PTPRU: variants seen among roughly 807,000 people sequenced by gnomAD.
PTPRU encodes receptor-type tyrosine-protein phosphatase U.
A neutral mutation model predicts 166.3 loss-of-function variants in PTPRU; 69 were observed. The ratio of observed to expected loss-of-function variants is 0.41; its 90% CI spans 0.34 to 0.51. PTPRU has a LOEUF of 0.51. Ranked by LOEUF, PTPRU falls within the 20% of genes least tolerant of loss-of-function variation. The pLI is 0.09. For synonymous variants in PTPRU, 793 were observed against 814.0 expected (o/e 0.97, Z 0.44); for missense variants, 1,657 against 2,013.7 (o/e 0.82, Z 3.39).
At position 29,255,332 on chromosome 1, in the gene PTPRU, C is replaced by T; in HGVS notation, c.131C>T (p.Ala44Val). ...DPAVPCEYSQ[A>V]QYDDFQWEQV... The stretch of plus-strand genomic sequence containing the variant: ...GCAGTGCCCTGCGAGTACAGCCAGG[C>T]CCAGTACGATGACTTCCAGTGGGAG... The change falls in exon 2 of 30, where the codon GCC becomes GTC. Residue 44 changes from alanine to valine, a missense_variant. Transcript: ENST00000373779. 1 of 1,614,128 alleles carries T rather than the reference C, an allele frequency of 6.2e-7. No homozygotes were observed. The highest frequency in any genetic ancestry group is 1.1e-5 in the South Asian group (1 of 91,084).
At chr1:29,282,647 A>G in intron 11 of PTPRU, 29 bp from the exon 12 acceptor site, 1 of 1,596,144 alleles carries the variant, frequency 6.3e-7, no homozygotes, top group Non-Finnish European at 8.5e-7. Context: ...GCCGCCTGTG[A>G]TCCCCTGTAC....
At chr1:29,251,060 T>A (rs1684520850) in intron 1 of PTPRU, among the ~76,000 whole-genome samples, 1 of 152,228 alleles carries the variant, frequency 6.6e-6, no homozygotes, top group African/African-American at 2.4e-5. Context: ...GAGACCAGCC[T>A]GGCCAGCATG....
intron 8 of PTPRU, among the ~76,000 whole-genome samples, chr1:29,276,203 C>CTGGA (rs1341857274): frequency 6.6e-6 from 1 of 152,158 alleles, no homozygotes; most frequent in Non-Finnish European, 1.5e-5. Flanking sequence ...GTTGCCCAGG[C>CTGGA]TGGAGTACAG....
chr1:29,246,031 A>G (rs1327641812), intron 1 of PTPRU, among the ~76,000 whole-genome samples: 1 of 152,238 alleles, frequency 6.6e-6, no homozygotes. Flanking sequence ...TCTGTACTGC[A>G]CTGCACTATT....
At chr1:29,305,327 CT>C (rs1487437095) in intron 17 of PTPRU, 24 bp from the exon 18 acceptor site, 1 of 1,612,768 alleles carries the variant, frequency 6.2e-7, no homozygotes, top group Non-Finnish European at 8.5e-7. Flanking sequence ...AGTTCAGCCC[CT>C]GCCCACCTGC....
At chr1:29,258,356 C>T (rs1684864936) in intron 2 of PTPRU, 149 bp from the exon 3 acceptor site, 1 of 818,284 alleles carries the variant, frequency 1.2e-6, no homozygotes, top group Non-Finnish European at 1.9e-6. Flanking sequence ...AGGGACTCAC[C>T]CAGGGAGGTG....
Position 29,304,818 on chromosome 1 carries a change from C to T in PTPRU, c.2712C>T (p.Val904=), listed in dbSNP as rs943227611. 1 of 1,612,414 alleles carries T rather than the reference C, an allele frequency of 6.2e-7. No homozygotes were observed. Among genetic ancestry groups the T allele is most frequent in the Non-Finnish European group, 8.5e-7 (1 of 1,178,744 alleles). Residue 904 remains valine, a synonymous_variant, in exon 17 of 30, where the codon GTC becomes GTT. Transcript: ENST00000373779. ...ACGCCACAAAGAAGAAAGACAAGGT[C>T]AAGGGCAGCCGGCAGGAGCCAATGC... ...GWDATKKKDK[V]KGSRQEPMPA... is the part of the protein sequence containing the mutation.
At chr1:29,303,119 A>G (rs74067327) in intron 15 of PTPRU, among the ~76,000 whole-genome samples, 5,173 of 152,302 alleles carry the variant, frequency 0.034, 261 homozygotes, top group African/African-American at 0.12. Flanking sequence ...TAAGTATTAA[A>G]TGAGTGAGTG....
chr1:29,318,016 T>TG (rs1434596122), intron 25 of PTPRU, 95 bp downstream of exon 25: 3 of 1,473,520 alleles, frequency 2.0e-6, no homozygotes, highest in East Asian at 2.4e-5. Flanking sequence ...AAGGCTCTGT[T>TG]GGGGGGACCC....
At position 29,273,717 on chromosome 1, in the gene PTPRU, A is replaced by G. The variant is rs960632609; in HGVS notation, c.1145-1731A>G. Among the ~76,000 whole-genome samples, 6 of 152,090 alleles carry G rather than the reference A, an allele frequency of 3.9e-5. No individual in the cohort carries two copies. The South Asian group carries it at 1.2e-3, about 32-fold the overall frequency. On this transcript the variant is annotated intron_variant, in intron 7 of 29. Transcript: ENST00000373779. ...TGTGCCCAGCCCAGTTTCTTTATTTATAAGATGGGGATAGCATTCTGGTCC... is the reference window on the plus strand; with the variant it reads ...TGTGCCCAGCCCAGTTTCTTTATTTGTAAGATGGGGATAGCATTCTGGTCC...
rs1234381608 is a variant in PTPRU, at chr1:29,317,953, C to T, written c.3687+32C>T. The T allele has an allele frequency of 6.2e-7, 1 of 1,608,708 alleles. No homozygotes were observed. Among genetic ancestry groups the T allele is most frequent in the Non-Finnish European group, 8.5e-7 (1 of 1,177,284 alleles). ...GCTTGGGGTGGAGTGGGCTCTGGGG[C>T]TCCCCTTCCCAGCAGCATCAGGGAA... On this transcript the variant is annotated intron_variant, in intron 25 of 29. Coordinates refer to ENST00000373779, the MANE Select transcript of PTPRU (RefSeq NM_133178.4). The surrounding 1 kb of genome is among the most constrained non-coding windows in gnomAD (Gnocchi z 5.6).
At chr1:29,313,653 C>T (rs1042012893) in intron 22 of PTPRU, among the ~76,000 whole-genome samples, 13 of 152,016 alleles carry the variant, frequency 8.6e-5, no homozygotes, top group African/African-American at 2.9e-4. Context: ...GCCCAAAGTT[C>T]GAGACCAGCC....
intron 8 of PTPRU, among the ~76,000 whole-genome samples, chr1:29,277,835 T>C (rs1685883746): frequency 8.7e-6 from 1 of 115,228 alleles, no homozygotes; most frequent in Non-Finnish European, 1.8e-5. Context: ...TTTTTTTTTT[T>C]TGAGATGGAG....
intron 15 of PTPRU, among the ~76,000 whole-genome samples, chr1:29,293,595 C>T (rs1446754427): frequency 6.6e-6 from 1 of 151,746 alleles, no homozygotes; most frequent in African/African-American, 2.4e-5. Context: ...CTGCCTCAGT[C>T]TCCCTAGTAG....
chr1:29,287,668 C>T (rs1363474032), intron 14 of PTPRU, among the ~76,000 whole-genome samples: 13 of 151,242 alleles, frequency 8.6e-5, no homozygotes, highest in Non-Finnish European at 1.3e-4. Flanking sequence ...GATCTCAGCT[C>T]ACTGCAAGCT....
intron 15 of PTPRU, among the ~76,000 whole-genome samples, chr1:29,296,912 TAA>T (rs1686908943): frequency 6.6e-6 from 1 of 152,080 alleles, no homozygotes; most frequent in Non-Finnish European, 1.5e-5. Context: ...ATATTTTTGA[TAA>T]GTTATATTTG....
intron 1 of PTPRU, among the ~76,000 whole-genome samples, chr1:29,240,276 G>A (rs1455456977): frequency 6.6e-6 from 1 of 152,170 alleles, no homozygotes; most frequent in African/African-American, 2.4e-5. Flanking sequence ...TGTAATTATT[G>A]TAATTACAGT....
chr1:29,303,812 G>T (rs765377156), intron 15 of PTPRU, 43 bp from the exon 16 acceptor site: 1 of 1,539,854 alleles, frequency 6.5e-7, no homozygotes, highest in Non-Finnish European at 8.9e-7. Context: ...CCCGAGGCTG[G>T]GGCATGTGTG....
intron 7 of PTPRU, among the ~76,000 whole-genome samples, chr1:29,267,381 C>T (rs992517631): frequency 2.6e-5 from 4 of 152,140 alleles, no homozygotes; most frequent in Admixed American, 2.0e-4. Flanking sequence ...GACTTTATGG[C>T]CTGTCAGATG....
Sources: gnomAD v4.1 joint callset for allele counts (sites outside exome capture counted in the v4.1 genomes callset) on GRCh38, gnomAD v4.1.1 for gene constraint, Gnocchi (gnomAD v3.1) non-coding constraint, MANE v1.5 for transcripts, NCBI Gene and HGNC (gene_info 2026-07-23, HGNC 2026-07-21) for gene names.